Variants in HIVEP3 observed in about 807,000 individuals in gnomAD.
HIVEP3 encodes HIVEP zinc finger 3, also known as transcription factor HIVEP3.
In HIVEP3, 49 loss-of-function variants were observed where a neutral mutation model predicts 152.8. The ratio of observed to expected loss-of-function variants is 0.32; its 90% CI spans 0.26 to 0.41. The LOEUF (loss-of-function observed/expected upper bound fraction) is 0.41, where lower values mean the gene tolerates loss of function less well. HIVEP3 is among the 10% of genes least tolerant of loss of function. The pLI, the probability that HIVEP3 is intolerant of heterozygous loss-of-function variation, is 1.00. For missense variants in HIVEP3, 2,790 were observed against 3,103.3 expected (o/e 0.90, Z 2.40); for synonymous variants, 1,269 against 1,289.0 (o/e 0.98, Z 0.33).
chr1:41,619,202 G>A (rs867986208), intron 3 of HIVEP3, among the ~76,000 whole-genome samples: 22 of 151,380 alleles, frequency 1.5e-4, no homozygotes, highest in Admixed American at 5.9e-4. Context: ...TCTTGCCTCC[G>A]CCTGGAATAC....
Position 41,584,586 on chromosome 1 carries a change from T to C in HIVEP3, c.212A>G (p.Gln71Arg), listed in dbSNP as rs201330650. 4 of 1,613,988 alleles carry C rather than the reference T, an allele frequency of 2.5e-6. No homozygotes were observed. In the Admixed American group the frequency reaches 6.7e-5, roughly 27 times the overall value. Residue 71 changes from glutamine to arginine, a missense_variant, in exon 4 of 9, where the codon CAG becomes CGG. By Grantham distance (43) the Gln-to-Arg change is conservative (BLOSUM62 1). Coordinates refer to ENST00000372583, the MANE Select transcript of HIVEP3 (RefSeq NM_024503.5). The surrounding 1 kb of genome is among the most constrained non-coding windows in gnomAD (Gnocchi z 5.2). ...CTTCTGCTGCTGGCCCGTTTTCTCC[T>C]GAGAGCCTTCCCTAAGAACTGATGA... ...GPSSVLREGS[Q>R]EKTGQQQKPP...
At chr1:41,898,334 G>A (rs375923454) in intron 1 of HIVEP3, among the ~76,000 whole-genome samples, 2 of 152,262 alleles carry the variant, frequency 1.3e-5, no homozygotes, top group South Asian at 2.1e-4. Flanking sequence ...CTCCCTGGAG[G>A]GGGAGGGGGC....
chr1:41,831,453 C>T (rs349423), intron 1 of HIVEP3, among the ~76,000 whole-genome samples: 5,975 of 152,296 alleles, frequency 0.039, 429 homozygotes, highest in African/African-American at 0.14. Context: ...CTATAAACTA[C>T]ATTCTATGGG....
chr1:41,725,356 G>A (rs1183762985), intron 1 of HIVEP3, among the ~76,000 whole-genome samples: 2 of 152,188 alleles, frequency 1.3e-5, no homozygotes, highest in Non-Finnish European at 2.9e-5. Context: ...TCCTTACAAG[G>A]AATAGCTGTC....
In HIVEP3 at chr1:41,664,476, G is replaced by A. The variant is rs1645764307; in HGVS notation, c.-720-35529C>T. ...CCATGATGCCACAGGCAACTCAATAGTTCCTGCCTCTACAGACTTGCCCAT... is the reference window on the plus strand; with the variant it reads ...CCATGATGCCACAGGCAACTCAATAATTCCTGCCTCTACAGACTTGCCCAT... On this transcript the variant is annotated intron_variant, in intron 2 of 8. Transcript: ENST00000372583. This position sits in a 1 kb window ranked among gnomAD's most constrained non-coding sequence, Gnocchi z 4.4. Among the ~76,000 whole-genome samples the A allele has an allele frequency of 6.6e-6, 1 of 152,178 alleles. No homozygotes were observed. The highest frequency in any genetic ancestry group is 2.4e-5 in the African/African-American group (1 of 41,426).
intron 5 of HIVEP3, among the ~76,000 whole-genome samples, chr1:41,545,644 TCAC>T (rs1163490660): frequency 6.5e-5 from 2 of 30,596 alleles, no homozygotes; most frequent in Admixed American, 3.6e-4. Context: ...ATCACCACCA[TCAC>T]CACCACTACC....
chr1:41,687,243 G>C (rs1646127788), intron 2 of HIVEP3, among the ~76,000 whole-genome samples: 1 of 152,236 alleles, frequency 6.6e-6, no homozygotes, highest in Non-Finnish European at 1.5e-5. Flanking sequence ...GGGCTGTGAA[G>C]GCATTTATGC....
At chr1:41,650,068 C>T (rs1340629678) in intron 2 of HIVEP3, among the ~76,000 whole-genome samples, 1 of 152,010 alleles carries the variant, frequency 6.6e-6, no homozygotes, top group East Asian at 1.9e-4. Flanking sequence ...AAGATTCACC[C>T]TTGGAATGTG....
chr1:41,842,501 T>C (rs1036273272), intron 1 of HIVEP3, among the ~76,000 whole-genome samples: 1 of 152,104 alleles, frequency 6.6e-6, no homozygotes, highest in Non-Finnish European at 1.5e-5. Context: ...TTATGCTCCA[T>C]TACTCTGGCC....
intron 1 of HIVEP3, among the ~76,000 whole-genome samples, chr1:41,753,225 T>C (rs993502504): frequency 2.6e-5 from 4 of 152,180 alleles, no homozygotes; most frequent in Admixed American, 1.3e-4. Flanking sequence ...TCTGGAGAAA[T>C]ACCTGTCAAA....
At chr1:41,843,108 C>A (rs537005609) in intron 1 of HIVEP3, among the ~76,000 whole-genome samples, 3 of 152,322 alleles carry the variant, frequency 2.0e-5, no homozygotes, top group East Asian at 1.9e-4. Context: ...CTACTTCCTC[C>A]CTAAGACCTG....
chr1:41,678,164 G>A (rs1356228129), intron 2 of HIVEP3, among the ~76,000 whole-genome samples: 1 of 152,212 alleles, frequency 6.6e-6, no homozygotes, highest in Non-Finnish European at 1.5e-5. Flanking sequence ...CTCCTCTGTT[G>A]TTTACTCTCG....
intron 2 of HIVEP3, among the ~76,000 whole-genome samples, chr1:41,653,137 A>T (rs911682796): frequency 6.6e-6 from 1 of 152,170 alleles, no homozygotes; most frequent in Admixed American, 6.5e-5. Flanking sequence ...CTTTGACCTC[A>T]GATAACCTTA....
At chr1:42,034,978 T>C (rs1018155706) in intron 1 of HIVEP3, among the ~76,000 whole-genome samples, 8 of 152,134 alleles carry the variant, frequency 5.3e-5, no homozygotes, top group Admixed American at 6.5e-5. Context: ...CATCTCTCCA[T>C]GCAACCAGAG....
chr1:41,515,125 C>A (rs1469578487), intron 7 of HIVEP3, among the ~76,000 whole-genome samples: 1 of 152,256 alleles, frequency 6.6e-6, no homozygotes, highest in Non-Finnish European at 1.5e-5. Flanking sequence ...CAGCCAGCCC[C>A]ATCGCTCACA....
At chr1:41,557,677 G>A (rs1643988721) in intron 5 of HIVEP3, among the ~76,000 whole-genome samples, 1 of 152,068 alleles carries the variant, frequency 6.6e-6, no homozygotes, top group African/African-American at 2.4e-5. Context: ...CTCTCCAGGG[G>A]TGGGGGGCAG....
chr1:41,580,888 G>A lies in HIVEP3; in HGVS notation c.3910C>T (p.Pro1304Ser). The change falls in exon 4 of 9, where the codon CCA (proline) becomes TCA (serine). Residue 1304 changes from proline (P) to serine (S), a missense_variant. Pro to Ser is a moderately conservative substitution (Grantham distance 74). Around this residue, in one of 9 missense-constraint regions of HIVEP3, gnomAD observed 1,078 missense variants for 1,165.3 expected, o/e 0.93. Coordinates refer to ENST00000372583, the MANE Select transcript of HIVEP3 (RefSeq NM_024503.5). ...ASSSAPTSAP[P>S]LALPACPDTM... is the part of the protein sequence containing the mutation. ...TCTGGACAGGCAGGCAGGGCCAGTG[G>A]AGGAGCTGATGTAGGTGCTGAGGAG... The A allele has an allele frequency of 6.2e-7, 1 of 1,611,116 alleles. No homozygotes were observed. Among genetic ancestry groups the A allele is most frequent in the Non-Finnish European group, 8.5e-7 (1 of 1,178,768 alleles).
At chr1:41,917,486 C>T (rs1317464214) in intron 1 of HIVEP3, among the ~76,000 whole-genome samples, 1 of 152,154 alleles carries the variant, frequency 6.6e-6, no homozygotes, top group Non-Finnish European at 1.5e-5. Flanking sequence ...TTCCTGCAAC[C>T]ACTGCCCCCG....
intron 1 of HIVEP3, among the ~76,000 whole-genome samples, chr1:41,704,135 C>T (rs951509470): frequency 6.6e-6 from 1 of 152,170 alleles, no homozygotes; most frequent in Non-Finnish European, 1.5e-5. Flanking sequence ...CTTCCTGCAC[C>T]TGGGCCCAGT....
Sources: gnomAD v4.1 joint callset for allele counts (sites outside exome capture counted in the v4.1 genomes callset) on GRCh38, gnomAD v4.1.1 for gene constraint, gnomAD v4.1.1 regional missense constraint, Gnocchi (gnomAD v3.1) non-coding constraint, MANE v1.5 for transcripts, NCBI Gene and HGNC (gene_info 2026-07-23, HGNC 2026-07-21) for gene names.